The following ADARB2 variants were observed in gnomAD, a reference collection of about 807,000 sequenced individuals.
ADARB2 encodes adenosine deaminase RNA specific B2 (inactive), also known as inactive double-stranded RNA-specific editase B2.
ADARB2 carries 25 observed loss-of-function variants against 62.2 expected under a neutral mutation model. The observed-to-expected ratio is 0.40, with a 90% CI of 0.29 to 0.56. The LOEUF (loss-of-function observed/expected upper bound fraction) is 0.56. Among genes scored for constraint, ADARB2 ranks in the 20% least tolerant of loss-of-function variants. The probability of loss-of-function intolerance (pLI) is 0.43; values close to 1 mark genes in which losing one functional copy is unlikely to be tolerated. For synonymous variants in ADARB2, 572 were observed against 500.8 expected, an observed-to-expected ratio of 1.14 and a Z score of -1.90; for missense variants, 1,071 against 1,077.4, an observed-to-expected ratio of 0.99 and a Z score of 0.08.
chr10:1,532,535 G>A (rs2813459), intron 1 of ADARB2, among the ~76,000 whole-genome samples: 2,373 of 152,172 alleles, frequency 0.016, 63 homozygotes, highest in African/African-American at 0.055. Flanking sequence ...ATTGACCAGG[G>A]GAAGGTGCGA....
chr10:1,479,702 C>A (rs928889488), intron 1 of ADARB2, among the ~76,000 whole-genome samples: 1 of 152,052 alleles, frequency 6.6e-6, no homozygotes, highest in African/African-American at 2.4e-5. Flanking sequence ...AACACCAGGC[C>A]GGAGGTCAAT....
intron 3 of ADARB2, among the ~76,000 whole-genome samples, chr10:1,293,421 C>T (rs1564248959): frequency 1.8e-5 from 1 of 56,414 alleles, no homozygotes; most frequent in African/African-American, 4.8e-5. Flanking sequence ...CTGTTTTAGC[C>T]CCGTCCTCCT....
chr10:1,254,622 G>A (rs149885549), intron 4 of ADARB2, among the ~76,000 whole-genome samples: 63 of 152,338 alleles, frequency 4.1e-4, no homozygotes, highest in African/African-American at 1.5e-3. Flanking sequence ...AGGTGAATTT[G>A]GGGAGCAGAA....
At chr10:1,656,526 A>G (rs184801719) in intron 1 of ADARB2, among the ~76,000 whole-genome samples, 15 of 146,822 alleles carry the variant, frequency 1.0e-4, no homozygotes, top group Admixed American at 3.5e-4. Context: ...GAAAGAGAGA[A>G]AAAGGGAGAG....
chr10:1,427,766 A>G (rs1368315721), intron 1 of ADARB2, among the ~76,000 whole-genome samples: 2 of 152,234 alleles, frequency 1.3e-5, no homozygotes, highest in African/African-American at 4.8e-5. Flanking sequence ...TGCATAAAAA[A>G]CTGTACATGG....
chr10:1,638,279 G>GAA (rs1345054753), intron 1 of ADARB2, among the ~76,000 whole-genome samples: 1 of 152,084 alleles, frequency 6.6e-6, no homozygotes, highest in Non-Finnish European at 1.5e-5. Flanking sequence ...TTTGATTGTT[G>GAA]AAAAAAGATG....
intron 1 of ADARB2, among the ~76,000 whole-genome samples, chr10:1,650,478 C>T (rs1834095955): frequency 6.7e-6 from 1 of 149,042 alleles, no homozygotes; most frequent in African/African-American, 2.5e-5. Context: ...TGCTGGTAGG[C>T]TGCAGCCCAG....
At position 1,704,639 on chromosome 10, in the gene ADARB2, G is replaced by A. The variant is rs538043321; in HGVS notation, c.100+32412C>T. On this transcript the variant is annotated intron_variant, in intron 1 of 9. Coordinates refer to ENST00000381312, the MANE Select transcript of ADARB2 (RefSeq NM_018702.4). The surrounding 1 kb of genome is among the most constrained non-coding windows in gnomAD (Gnocchi z 5.6). ...AGTCCTTGGCCCGGGGGCTGGAGAC[G>A]TCTGAGTTAAAGCATCTAACTCTGG... 5.9e-5 allele frequency among the ~76,000 whole-genome samples: 9 copies of A among 152,338 alleles called. No homozygotes were observed. The highest frequency in any genetic ancestry group is 2.1e-4 in the South Asian group (1 of 4,830).
At chr10:1,352,159 A>G (rs972007512) in intron 3 of ADARB2, among the ~76,000 whole-genome samples, 7 of 151,820 alleles carry the variant, frequency 4.6e-5, no homozygotes, top group Non-Finnish European at 1.0e-4. Context: ...TCTGTTACCT[A>G]TCTTGTCATA....
chr10:1,488,416 A>G (rs1044110032), intron 1 of ADARB2, among the ~76,000 whole-genome samples: 1 of 152,212 alleles, frequency 6.6e-6, no homozygotes, highest in African/African-American at 2.4e-5. Context: ...GCAGGCAGAA[A>G]TCTTAATTAA....
intron 1 of ADARB2, among the ~76,000 whole-genome samples, chr10:1,391,352 G>A (rs1832568933): frequency 6.6e-6 from 1 of 152,128 alleles, no homozygotes; most frequent in Non-Finnish European, 1.5e-5. Context: ...ACTGTGCTAG[G>A]TGTGCCTGCC....
intron 7 of ADARB2, among the ~76,000 whole-genome samples, chr10:1,201,023 G>A (rs4880488): frequency 0.92 from 140,078 of 152,274 alleles, 65,572 homozygotes; most frequent in East Asian, 1. Context: ...ATTAACACAG[G>A]ATTCTTTCCA....
intron 1 of ADARB2, among the ~76,000 whole-genome samples, chr10:1,673,620 G>C: frequency 6.6e-6 from 1 of 152,224 alleles, no homozygotes; most frequent in South Asian, 2.1e-4. Context: ...GGCAGGATGA[G>C]AGTGTGAAAA....
intron 1 of ADARB2, among the ~76,000 whole-genome samples, chr10:1,485,606 C>G (rs1297850945): frequency 6.6e-6 from 1 of 152,176 alleles, no homozygotes; most frequent in East Asian, 1.9e-4. Flanking sequence ...GTTGATGACT[C>G]TCCTGGTCTG....
chr10:1,228,255 G>T (rs1291776829), intron 6 of ADARB2, among the ~76,000 whole-genome samples: 1 of 152,158 alleles, frequency 6.6e-6, no homozygotes, highest in African/African-American at 2.4e-5. Flanking sequence ...AAGCTGCTAA[G>T]TTCTCAGAAA....
chr10:1,725,539 C>T (rs780912338), intron 1 of ADARB2, among the ~76,000 whole-genome samples: 5 of 152,136 alleles, frequency 3.3e-5, no homozygotes, highest in South Asian at 2.1e-4. Context: ...CGGGAAGAGA[C>T]GTCCAGGACC....
intron 1 of ADARB2, among the ~76,000 whole-genome samples, chr10:1,694,230 A>T (rs1834709341): frequency 6.6e-6 from 1 of 152,234 alleles, no homozygotes; most frequent in African/African-American, 2.4e-5. Flanking sequence ...CTACACAGAA[A>T]TATTGATTAA....
At chr10:1,502,375 C>T (rs749477614) in intron 1 of ADARB2, among the ~76,000 whole-genome samples, 46 of 152,274 alleles carry the variant, frequency 3.0e-4, no homozygotes, top group Non-Finnish European at 3.2e-4. Context: ...GGTATATGAC[C>T]GTGTGCTCAC....
At chr10:1,244,206 G>A (rs905193124) in intron 4 of ADARB2, among the ~76,000 whole-genome samples, 11 of 152,352 alleles carry the variant, frequency 7.2e-5, no homozygotes, top group South Asian at 6.2e-4. Flanking sequence ...CACTCAGGCC[G>A]TCAGTGACAT....
Sources: allele counts gnomAD v4.1 joint callset (sites outside exome capture counted in the v4.1 genomes callset), GRCh38; gene constraint gnomAD v4.1.1; non-coding constraint Gnocchi (gnomAD v3.1); transcripts MANE v1.5; gene names NCBI Gene and HGNC (gene_info 2026-07-23, HGNC 2026-07-21).